Variants in PHLDB2 observed in about 807,000 individuals in gnomAD.
The protein encoded by PHLDB2 is pleckstrin homology-like domain family B member 2.
A neutral mutation model predicts 123.6 loss-of-function variants in PHLDB2; 71 were observed. That is an observed-to-expected ratio of 0.57 (90% CI 0.47 to 0.70). The LOEUF is 0.70. Among genes scored for constraint, PHLDB2 ranks in the 30% least tolerant of loss-of-function variants. The probability of loss-of-function intolerance (pLI) is 0.00; values close to 1 mark genes in which losing one functional copy is unlikely to be tolerated. For missense variants in PHLDB2, 1,446 were observed against 1,519.5 expected (o/e 0.95, Z 0.80); for synonymous variants, 547 against 541.6 (o/e 1.01, Z -0.14).
intron 1 of PHLDB2, among the ~76,000 whole-genome samples, chr3:111,814,528 A>G (rs920299935): frequency 3.9e-5 from 6 of 152,066 alleles, no homozygotes; most frequent in Non-Finnish European, 8.8e-5. Flanking sequence ...ATTGGAAAAC[A>G]GATTTTCTTA....
chr3:111,893,094 A>G (rs34001830), intron 2 of PHLDB2, among the ~76,000 whole-genome samples: 176 of 151,184 alleles, frequency 1.2e-3, no homozygotes, highest in African/African-American at 3.5e-3. Flanking sequence ...AGTCCTGACC[A>G]CCCCCCCAAA....
At chr3:111,864,457 C>A (rs990585330) in intron 1 of PHLDB2, among the ~76,000 whole-genome samples, 1 of 152,166 alleles carries the variant, frequency 6.6e-6, no homozygotes, top group African/African-American at 2.4e-5. Flanking sequence ...GGAATTTGAA[C>A]CTTCTGGGAG....
At chr3:111,864,246 C>T (rs1268201741) in intron 1 of PHLDB2, among the ~76,000 whole-genome samples, 1 of 152,070 alleles carries the variant, frequency 6.6e-6, no homozygotes, top group East Asian at 1.9e-4. Flanking sequence ...TCTGGCCATT[C>T]TTGTTACTGT....
chr3:111,795,119 TTTTG>T (rs2061098296), intron 1 of PHLDB2, among the ~76,000 whole-genome samples: 2 of 152,196 alleles, frequency 1.3e-5, no homozygotes, highest in African/African-American at 2.4e-5. Context: ...AATGTCTAGT[TTTTG>T]TTTAAGGTGC....
chr3:111,921,949 G>A (rs2068535680), intron 5 of PHLDB2, among the ~76,000 whole-genome samples: 1 of 152,176 alleles, frequency 6.6e-6, no homozygotes, highest in South Asian at 2.1e-4. Flanking sequence ...TTCCTAAAAG[G>A]CCAAAATGAA....
At chr3:111,789,986 G>C (rs2060846834) in intron 1 of PHLDB2, among the ~76,000 whole-genome samples, 2 of 152,242 alleles carry the variant, frequency 1.3e-5, no homozygotes, top group South Asian at 4.1e-4. Context: ...TTTTGGAATG[G>C]AATTCTCATA....
At chr3:111,809,356 C>T (rs915586999) in intron 1 of PHLDB2, among the ~76,000 whole-genome samples, 1 of 152,150 alleles carries the variant, frequency 6.6e-6, no homozygotes, top group African/African-American at 2.4e-5. Flanking sequence ...TTTCTTCTGC[C>T]TTTGGGTGAC....
intron 12 of PHLDB2, chr3:111,957,038 G>A (rs1265927839): frequency 6.6e-6 from 1 of 152,346 alleles, no homozygotes; most frequent in African/African-American, 2.4e-5. Flanking sequence ...GTAAGTATAA[G>A]CCTTAATCAG....
At chr3:111,866,215 G>A (rs184935935) in intron 1 of PHLDB2, among the ~76,000 whole-genome samples, 130 of 151,712 alleles carry the variant, frequency 8.6e-4, no homozygotes, top group South Asian at 5.8e-3. Flanking sequence ...ATGGGGTTTC[G>A]CCATATTGGC....
At position 111,780,399 on chromosome 3, in the gene PHLDB2, A is replaced by G. The variant is rs201290567; in HGVS notation, c.-49+47696A>G. On this transcript the variant is annotated intron_variant, in intron 1 of 17. Coordinates refer to the PHLDB2 transcript ENST00000393923. ...AAGAAGAAGAAGAAGAAGAAGAAGA[A>G]GAAGAAGAAGAAAAAGATTAGTTCG... Among the ~76,000 whole-genome samples the G allele has an allele frequency of 3.9e-4, 29 of 74,430 alleles. 4 individuals carry two copies. The highest frequency in any genetic ancestry group is 5.0e-4 in the South Asian group (1 of 1,986). 48.8% of individuals were successfully genotyped at this position (74,430 alleles called of 152,430 possible). A position where few individuals can be genotyped will look rare whatever the true frequency, so the allele number is the denominator to read the frequency against.
chr3:111,768,050 G>T (rs2060112871), intron 1 of PHLDB2, among the ~76,000 whole-genome samples: 1 of 152,124 alleles, frequency 6.6e-6, no homozygotes, highest in Non-Finnish European at 1.5e-5. Context: ...TCCTGATTAG[G>T]ATTGTCTAGA....
At chr3:111,827,201 GACC>G (rs2062697137) in intron 1 of PHLDB2, among the ~76,000 whole-genome samples, 1 of 152,140 alleles carries the variant, frequency 6.6e-6, no homozygotes, top group Admixed American at 6.5e-5. Flanking sequence ...ACAGAAATGT[GACC>G]ACATCCTTCC....
intron 1 of PHLDB2, among the ~76,000 whole-genome samples, chr3:111,759,521 TAC>T (rs1197406854): frequency 2.6e-5 from 4 of 152,176 alleles, no homozygotes; most frequent in Non-Finnish European, 4.4e-5. Context: ...CATGTATATA[TAC>T]ACACACACAT....
rs145517584 is a variant in PHLDB2, at chr3:111,891,732, A to G, written c.1335+6320A>G. Among the ~76,000 whole-genome samples the G allele has an allele frequency of 2.2e-4, 33 of 152,232 alleles. No individual in the cohort carries two copies. The East Asian group carries it at 6.2e-3, about 29-fold the overall frequency. ...CGGACTGCTGTTCTAGAGGTTAGAA[A>G]AGTCATTATAAAGTAGGGTATTCTT... On this transcript the variant is annotated intron_variant, in intron 2 of 17. Transcript: ENST00000431670.
At chr3:111,934,819 T>G (rs1291278253) in intron 6 of PHLDB2, among the ~76,000 whole-genome samples, 1 of 152,176 alleles carries the variant, frequency 6.6e-6, no homozygotes, top group African/African-American at 2.4e-5. Flanking sequence ...AGAAATAATC[T>G]CATCCTACCT....
chr3:111,934,183 C>T (rs751828476), intron 6 of PHLDB2, among the ~76,000 whole-genome samples: 1 of 152,160 alleles, frequency 6.6e-6, no homozygotes, highest in Non-Finnish European at 1.5e-5. Flanking sequence ...AGATAACTGG[C>T]TTGTGATGGC....
intron 1 of PHLDB2, among the ~76,000 whole-genome samples, chr3:111,817,614 C>T (rs1180374819): frequency 6.6e-6 from 1 of 152,116 alleles, no homozygotes; most frequent in African/African-American, 2.4e-5. Flanking sequence ...ATTATTTTCC[C>T]ATATTTTCTA....
chr3:111,939,697 A>G (rs1033632572), intron 7 of PHLDB2, 67 bp downstream of exon 7: 77 of 1,461,656 alleles, frequency 5.3e-5, no homozygotes, highest in Middle Eastern at 1.8e-4. Flanking sequence ...TAGCTATGAC[A>G]TATGTCTGTC....
At chr3:111,814,862 A>G (rs2062001512) in intron 1 of PHLDB2, among the ~76,000 whole-genome samples, 1 of 152,212 alleles carries the variant, frequency 6.6e-6, no homozygotes, top group African/African-American at 2.4e-5. Flanking sequence ...GTCTTACAAA[A>G]GTGATAATAT....
Sources: allele counts gnomAD v4.1 joint callset (sites outside exome capture counted in the v4.1 genomes callset), GRCh38; gene constraint gnomAD v4.1.1; transcripts MANE v1.5; gene names NCBI Gene and HGNC (gene_info 2026-07-23, HGNC 2026-07-21).